BPIFB1: variants seen among roughly 807,000 people sequenced by gnomAD.
The protein encoded by BPIFB1 is BPI fold containing family B member 1, also known as BPI fold-containing family B member 1.
Under a neutral mutation model 55.1 loss-of-function variants are expected in BPIFB1, and 34 were observed. The observed-to-expected ratio is 0.62, with a 90% confidence interval of 0.47 to 0.82. BPIFB1 has a LOEUF of 0.82. Ranked by LOEUF, BPIFB1 falls within the 40% of genes least tolerant of loss-of-function variation. BPIFB1 has a pLI of 0.00. For missense variants in BPIFB1, 532 were observed against 593.1 expected, an observed-to-expected ratio of 0.90 and a Z score of 1.07; for synonymous variants, 236 against 245.3, an observed-to-expected ratio of 0.96 and a Z score of 0.35.
At chr20:33,285,691 C>G (rs1486226884) in intron 1 of BPIFB1, among the ~76,000 whole-genome samples, 2 of 146,560 alleles carry the variant, frequency 1.4e-5, no homozygotes, top group Non-Finnish European at 3.0e-5. Flanking sequence ...GCACTCCAGC[C>G]TGGGTGACAG....
At chr20:33,303,339 T>A (rs1240888077) in intron 11 of BPIFB1, among the ~76,000 whole-genome samples, 1 of 152,152 alleles carries the variant, frequency 6.6e-6, no homozygotes, top group Non-Finnish European at 1.5e-5. Context: ...AAAGTCTAGA[T>A]GCTATTGACT....
At chr20:33,283,741 T>C (rs898796496) in intron 1 of BPIFB1, among the ~76,000 whole-genome samples, 3 of 151,972 alleles carry the variant, frequency 2.0e-5, no homozygotes, top group African/African-American at 7.2e-5. Flanking sequence ...GAGAGAAAGA[T>C]ATTCCACGAA....
intron 9 of BPIFB1, among the ~76,000 whole-genome samples, 161 bp from the exon 10 acceptor site, chr20:33,302,198 C>G (rs1470472400): frequency 6.6e-6 from 1 of 152,098 alleles, no homozygotes; most frequent in African/African-American, 2.4e-5. Flanking sequence ...AGAAGCTGAC[C>G]TAGGGGCTGT....
At position 33,301,390 on chromosome 20, in the gene BPIFB1, T is replaced by C; in HGVS notation, c.905T>C (p.Phe302Ser). ...AVAAVLSPEE[F>S]MVLLDSVLPE... is the part of the protein sequence containing the mutation. ...GCTGCTGTGCTCTCTCCAGAAGAATTCATGGTCCTGTTGGACTCTGTGGTA... is the reference window on the plus strand; with the variant it reads ...GCTGCTGTGCTCTCTCCAGAAGAATCCATGGTCCTGTTGGACTCTGTGGTA... Residue 302 changes from phenylalanine (F) to serine (S), a missense_variant, in exon 9 of 16, where the codon TTC becomes TCC. Physicochemically the swap from Phe to Ser is radical, Grantham distance 155 (BLOSUM62 -2). Transcript: ENST00000253354. 1.2e-6 allele frequency: 2 copies of C among 1,613,934 alleles called. No homozygotes were observed. Among genetic ancestry groups the C allele is most frequent in the Non-Finnish European group, 1.7e-6 (2 of 1,180,000 alleles).
At chr20:33,297,735 T>C (rs1175024649) in intron 7 of BPIFB1, 147 bp downstream of exon 7, 1 of 807,218 alleles carries the variant, frequency 1.2e-6, no homozygotes, top group Non-Finnish European at 2.1e-6. Context: ...AGTTGATCCC[T>C]GCCCCAGACG....
At chr20:33,285,321 T>C (rs948467791) in intron 1 of BPIFB1, among the ~76,000 whole-genome samples, 11 of 151,870 alleles carry the variant, frequency 7.2e-5, no homozygotes, top group African/African-American at 2.7e-4. Context: ...CAGCAGACGG[T>C]GAACCATAGA....
intron 15 of BPIFB1, among the ~76,000 whole-genome samples, chr20:33,308,534 A>G (rs1044788677): frequency 6.8e-6 from 1 of 147,668 alleles, no homozygotes; most frequent in African/African-American, 2.5e-5. Context: ...ATACACATAC[A>G]TACACACACA....
intron 6 of BPIFB1, among the ~76,000 whole-genome samples, chr20:33,292,388 G>A (rs1980503534): frequency 6.6e-6 from 1 of 152,184 alleles, no homozygotes; most frequent in Non-Finnish European, 1.5e-5. Flanking sequence ...AATAGCACAC[G>A]ATTGTATATT....
chr20:33,306,949 G>C lies in BPIFB1; in HGVS notation c.1357G>C (p.Ala453Pro), dbSNP rs779790893. The C allele has an allele frequency of 1.2e-6, 2 of 1,614,228 alleles. No individual in the cohort carries two copies. Among genetic ancestry groups the C allele is most frequent in the East Asian group, 4.5e-5 (2 of 44,882 alleles). Residue 453 changes from alanine to proline, a missense_variant, in exon 15 of 16, where the codon GCC (alanine) becomes CCC (proline). By Grantham distance (27) the Ala-to-Pro change is conservative. Coordinates refer to ENST00000253354, the MANE Select transcript of BPIFB1 (RefSeq NM_033197.3). ...RSGVPVSLVK[A>P]LGFEAAESSL... ...TGGGGTCCCAGTGTCATTGGTGAAG[G>C]CCTTGGGATTCGAGGCAGCTGAGTC...
At chr20:33,308,532 A>G (rs901617096) in intron 15 of BPIFB1, among the ~76,000 whole-genome samples, 2 of 136,892 alleles carry the variant, frequency 1.5e-5, no homozygotes, top group Non-Finnish European at 3.0e-5. Flanking sequence ...TTATACACAT[A>G]CATACACACA....
rs147657377 is a variant in BPIFB1 at position 33,309,229 on chromosome 20, C to T, written c.1396-479C>T. ...TGTGCCAGGCTCTGGGGCATCTCTCCCCCTCTAGAGTGGAGCCAAAACTTC... is the reference window on the plus strand; with the variant it reads ...TGTGCCAGGCTCTGGGGCATCTCTCTCCCTCTAGAGTGGAGCCAAAACTTC... On this transcript the variant is annotated intron_variant, in intron 15 of 15. Coordinates refer to ENST00000253354, the MANE Select transcript of BPIFB1 (RefSeq NM_033197.3). This position sits in a 1 kb window ranked among gnomAD's most constrained non-coding sequence, Gnocchi z 4.4. Among the ~76,000 whole-genome samples, 128 of 152,302 alleles carry T rather than the reference C, an allele frequency of 8.4e-4. No homozygotes were observed. Among genetic ancestry groups the T allele is most frequent in the African/African-American group, 3.0e-3 (123 of 41,564 alleles).
In BPIFB1 at chr20:33,296,321, G is replaced by A. The variant is rs930419383; in HGVS notation, c.598-1204G>A. On this transcript the variant is annotated intron_variant, in intron 6 of 15. Coordinates refer to ENST00000253354, the MANE Select transcript of BPIFB1 (RefSeq NM_033197.3). ...GAGCTGAAAGTCTTCCATCCTCTCT[G>A]GGCTCTAGATTGGCAATGCAGCCAG... 3.3e-5 allele frequency among the ~76,000 whole-genome samples: 5 copies of A among 152,330 alleles called. No homozygotes were observed. In the South Asian group the frequency reaches 1.0e-3, roughly 32 times the overall value.
At chr20:33,287,085 C>T (rs560228421) in intron 2 of BPIFB1, among the ~76,000 whole-genome samples, 74 of 152,300 alleles carry the variant, frequency 4.9e-4, no homozygotes, top group Middle Eastern at 3.4e-3. Flanking sequence ...CAAGTAAGGA[C>T]GGGAAGCAGA....
At chr20:33,305,025 C>T (rs966910941) in intron 13 of BPIFB1, 134 bp downstream of exon 13, 27 of 966,914 alleles carry the variant, frequency 2.8e-5, no homozygotes, top group Admixed American at 8.0e-5. Context: ...CCGGTCTCCA[C>T]CAAAGTCCAA....
rs988948531 is a variant in BPIFB1, at chr20:33,286,307, G to A, written c.115+119G>A. On this transcript the variant is annotated intron_variant, in intron 2 of 15. Coordinates refer to ENST00000253354, the MANE Select transcript of BPIFB1 (RefSeq NM_033197.3). Reference sequence around the variant, plus strand: ...ATGTGCATGGCTGAGATCCCAGAACGTGGGTGAACATGAGTGGGAGGTTGT... The same window carrying A: ...ATGTGCATGGCTGAGATCCCAGAACATGGGTGAACATGAGTGGGAGGTTGT... The A allele has an allele frequency of 3.1e-5, 27 of 862,626 alleles. No homozygotes were observed. The Admixed American group carries it at 3.3e-4, about 11-fold the overall frequency. The allele number at this position is 862,626 out of a possible 1,614,324, so 53.4% of individuals were successfully genotyped here. A position where few individuals can be genotyped will look rare whatever the true frequency, so the allele number is the denominator to read the frequency against.
In BPIFB1 at chr20:33,301,400, G is replaced by C. The variant is rs1385204579; in HGVS notation, c.915G>C (p.Leu305=). The C allele has an allele frequency of 6.2e-7, 1 of 1,613,576 alleles. No homozygotes were observed. The highest frequency in any genetic ancestry group is 1.1e-5 in the South Asian group (1 of 91,068). ...AVLSPEEFMV[L]LDSVLPESAH... ...TCTCTCCAGAAGAATTCATGGTCCT[G>C]TTGGACTCTGTGGTAAACCTCAGCA... The change falls in exon 9 of 16, where the codon CTG becomes CTC. Residue 305 remains leucine, a synonymous_variant. Coordinates refer to ENST00000253354, the MANE Select transcript of BPIFB1 (RefSeq NM_033197.3).
intron 14 of BPIFB1, 53 bp from the exon 15 acceptor site, chr20:33,306,858 C>A: frequency 6.7e-7 from 1 of 1,494,528 alleles, no homozygotes; most frequent in East Asian, 2.3e-5. Flanking sequence ...CTGCCCCTGG[C>A]TGCCCAGTCT....
intron 15 of BPIFB1, among the ~76,000 whole-genome samples, chr20:33,308,970 T>TACACAC (rs34245707): frequency 1.3e-5 from 2 of 149,304 alleles, no homozygotes; most frequent in East Asian, 2.0e-4. Flanking sequence ...CACATACACA[T>TACACAC]ACACACACAC....
At position 33,296,106 on chromosome 20, in the gene BPIFB1, C is replaced by T. The variant is rs1600665681; in HGVS notation, c.598-1419C>T. 2.6e-5 allele frequency among the ~76,000 whole-genome samples: 4 copies of T among 152,300 alleles called. 1 individual carries two copies. Among genetic ancestry groups the T allele is most frequent in the Admixed American group, 2.6e-4 (4 of 15,304 alleles). ...CCTTTAAAAAATACTAATGGCTAGG[C>T]CCTACCCCAGATTCAGAAGTAACTG... is the stretch of plus-strand genomic sequence containing the variant. On this transcript the variant is annotated intron_variant, in intron 6 of 15. Coordinates refer to ENST00000253354, the MANE Select transcript of BPIFB1 (RefSeq NM_033197.3).
Sources: gnomAD v4.1 joint callset for allele counts (sites outside exome capture counted in the v4.1 genomes callset) on GRCh38, gnomAD v4.1.1 for gene constraint, Gnocchi (gnomAD v3.1) non-coding constraint, MANE v1.5 for transcripts, NCBI Gene and HGNC (gene_info 2026-07-23, HGNC 2026-07-21) for gene names.